The following IMPG2 variants were observed in gnomAD, a reference collection of about 807,000 sequenced individuals.
The protein encoded by IMPG2 is IPM 200.
In IMPG2, 91 loss-of-function variants were observed where a neutral mutation model predicts 129.2. That is an observed-to-expected ratio of 0.70 (90% CI 0.59 to 0.84). The LOEUF (loss-of-function observed/expected upper bound fraction) is 0.84. IMPG2 is among the 40% of genes least tolerant of loss of function. The pLI is 0.00. For synonymous variants in IMPG2, 510 were observed against 517.7 expected, an observed-to-expected ratio of 0.99 and a Z score of 0.20; for missense variants, 1,430 against 1,461.7, an observed-to-expected ratio of 0.98 and a Z score of 0.35.
chr3:101,257,477 G>A, intron 10 of IMPG2, 52 bp downstream of exon 10: 2 of 1,602,514 alleles, frequency 1.2e-6, no homozygotes, highest in East Asian at 2.2e-5. Context: ...TTACACCAGA[G>A]CATACTGGAA....
Position 101,229,763 on chromosome 3 carries a change from TATC to T in IMPG2, c.3423-176_3423-174del, listed in dbSNP as rs59096006. 8.6e-3 allele frequency among the ~76,000 whole-genome samples: 1,309 copies of T among 152,328 alleles called. 24 individuals are homozygous for T. The highest frequency in any genetic ancestry group is 0.029 in the African/African-American group (1,221 of 41,566). ...ACCTCAAAAATTATTTGTCAGGTGTTATCATTATGATTTCCTCACACCCATGGC... is the reference window on the plus strand; with the variant it reads ...ACCTCAAAAATTATTTGTCAGGTGTTATTATGATTTCCTCACACCCATGGC... On this transcript the variant is annotated intron_variant, in intron 16 of 18. Coordinates refer to ENST00000193391, the MANE Select transcript of IMPG2 (RefSeq NM_016247.4).
At chr3:101,273,499 C>G in intron 7 of IMPG2, 82 bp downstream of exon 7, 1 of 1,447,270 alleles carries the variant, frequency 6.9e-7, no homozygotes, top group South Asian at 1.2e-5. Flanking sequence ...GAAACCTAAA[C>G]CTATCTTTAA....
intron 14 of IMPG2, among the ~76,000 whole-genome samples, chr3:101,236,952 G>A (rs1409588568): frequency 6.6e-6 from 1 of 152,206 alleles, no homozygotes; most frequent in African/African-American, 2.4e-5. Context: ...AGCACAGCAA[G>A]CTAAGATCCA....
At chr3:101,270,177 T>C (rs1706766475) in intron 7 of IMPG2, among the ~76,000 whole-genome samples, 2 of 152,010 alleles carry the variant, frequency 1.3e-5, no homozygotes, top group South Asian at 4.2e-4. Context: ...CCTCAGGTGA[T>C]CCACCTGCCT....
At position 101,245,805 on chromosome 3, in the gene IMPG2, CTT is replaced by C; in HGVS notation, c.1538_1539del (p.Glu513GlyfsTer7). 6.2e-7 allele frequency: 1 copy of C among 1,613,608 alleles called. No homozygotes were observed. The highest frequency in any genetic ancestry group is 8.5e-7 in the Non-Finnish European group (1 of 1,179,506). On this transcript the variant is annotated frameshift_variant, in exon 12 of 19. Transcript: ENST00000193391. LOFTEE classifies it high-confidence loss of function. ...EERTSGSHLV[E>X]DGLANVEESE... is the part of the protein sequence containing the mutation. ...AAAAGCAATTAAAGTTTCTCACCAT[CTT>C]CTACCAAGTGAGATCCAGAAGTCCT...
rs1175162398 is a variant in IMPG2, at chr3:101,232,993, T to C, written c.3023-2A>G. The C allele has an allele frequency of 6.2e-7, 1 of 1,613,582 alleles. No individual in the cohort carries two copies. The highest frequency in any genetic ancestry group is 1.3e-5 in the African/African-American group (1 of 74,872). On this transcript the variant is annotated splice_acceptor_variant, in intron 14 of 18. Transcript: ENST00000193391. LOFTEE classifies it high-confidence loss of function. ...ACTTGCAAGGGTTGGCTTCATCACCTAAAACATTAAACAAAGAATAATGCA... is the reference window on the plus strand; with the variant it reads ...ACTTGCAAGGGTTGGCTTCATCACCCAAAACATTAAACAAAGAATAATGCA...
chr3:101,228,419 A>C (rs140206843), intron 18 of IMPG2, among the ~76,000 whole-genome samples: 2 of 152,342 alleles, frequency 1.3e-5, no homozygotes, highest in East Asian at 3.9e-4. Flanking sequence ...TCAGATCACT[A>C]GTGAGATCTA....
At chr3:101,236,560 G>A (rs1385714949) in intron 14 of IMPG2, among the ~76,000 whole-genome samples, 1 of 152,206 alleles carries the variant, frequency 6.6e-6, no homozygotes, top group Non-Finnish European at 1.5e-5. Flanking sequence ...GTGAGCCAAA[G>A]TAGGGTGGTG....
In IMPG2 at chr3:101,308,710, T is replaced by A. The variant is rs188703184; in HGVS notation, c.335-4398A>T. On this transcript the variant is annotated intron_variant, in intron 2 of 18. Coordinates refer to ENST00000193391, the MANE Select transcript of IMPG2 (RefSeq NM_016247.4). ...GTCTTGGTGATTAACATTTGGCTTA[T>A]TACTACTTATGCAAATTTCTGCAAC... is the stretch of plus-strand genomic sequence containing the variant. Among the ~76,000 whole-genome samples, 9 of 152,368 alleles carry A rather than the reference T, an allele frequency of 5.9e-5. No individual in the cohort carries two copies. The East Asian group carries it at 1.7e-3, about 29-fold the overall frequency.
intron 9 of IMPG2, among the ~76,000 whole-genome samples, chr3:101,260,534 C>T (rs1706658055): frequency 6.6e-6 from 1 of 152,154 alleles, no homozygotes; most frequent in African/African-American, 2.4e-5. Flanking sequence ...CATAGTCACC[C>T]TTGCTCTTTA....
chr3:101,253,852 G>T, intron 10 of IMPG2, 71 bp from the exon 11 acceptor site: 1 of 1,030,030 alleles, frequency 9.7e-7, no homozygotes, highest in South Asian at 1.3e-5. Flanking sequence ...AGGGACAACT[G>T]AAAGTCAAGT....
chr3:101,253,822 C>A (rs756138296), intron 10 of IMPG2, 41 bp from the exon 11 acceptor site: 57 of 1,386,710 alleles, frequency 4.1e-5, no homozygotes, highest in Non-Finnish European at 5.6e-5. Flanking sequence ...TTAGATGAGG[C>A]CCTATTGTAT....
chr3:101,316,767 A>G lies in IMPG2; in HGVS notation c.334+2817T>C, dbSNP rs72936180. Among the ~76,000 whole-genome samples the G allele has an allele frequency of 3.4e-3, 511 of 152,248 alleles. 2 individuals are homozygous for G. The highest frequency in any genetic ancestry group is 0.012 in the African/African-American group (480 of 41,582). On this transcript the variant is annotated intron_variant, in intron 2 of 18. Transcript: ENST00000193391. ...ACTCAATAGAAATGAAAATATGTTC[A>G]CAGAAAAACTTGTACCCAAATGACC...
intron 10 of IMPG2, among the ~76,000 whole-genome samples, chr3:101,256,198 AAAGAAAGAAAGAAAGAAAG>A (rs1706604499): frequency 2.6e-5 from 4 of 151,226 alleles, no homozygotes; most frequent in African/African-American, 9.7e-5. Flanking sequence ...AGAAAGAAAG[AAAGAAAGAAAGAAAGAAAG>A]AAAAAAATAT....
At position 101,243,920 on chromosome 3, in the gene IMPG2, C is replaced by A; in HGVS notation, c.2411G>T (p.Ser804Ile). The A allele has an allele frequency of 6.2e-7, 1 of 1,614,226 alleles. No homozygotes were observed. The highest frequency in any genetic ancestry group is 2.2e-5 in the East Asian group (1 of 44,886). The change falls in exon 13 of 19, where the codon AGT (serine) becomes ATT (isoleucine). Residue 804 changes from serine (S) to isoleucine (I), a missense_variant. Physicochemically the swap from Ser to Ile is moderately radical, Grantham distance 142 (BLOSUM62 -2). Coordinates refer to ENST00000193391, the MANE Select transcript of IMPG2 (RefSeq NM_016247.4). The stretch of plus-strand genomic sequence containing the variant: ...CACAGATAACCAGAGCCTGTCAGCA[C>A]TCTGTGGTGTACTTGCCAATATGTC... Reference protein sequence around the residue: ...SRDILASTPQSADRLWLSVTQ... With the variant: ...SRDILASTPQIADRLWLSVTQ...
chr3:101,258,673 C>A (rs1424949646), intron 9 of IMPG2, among the ~76,000 whole-genome samples: 3 of 152,074 alleles, frequency 2.0e-5, no homozygotes, highest in Non-Finnish European at 4.4e-5. Flanking sequence ...TCTCCATCAA[C>A]CTTTCCACAA....
chr3:101,261,175 T>A (rs1205438042), intron 9 of IMPG2, among the ~76,000 whole-genome samples: 22 of 152,138 alleles, frequency 1.4e-4, no homozygotes, highest in Non-Finnish European at 1.5e-5. Flanking sequence ...ATAGACCATA[T>A]CTACCTCTCC....
At chr3:101,240,107 CTTTATTT>C (rs780368721) in intron 14 of IMPG2, among the ~76,000 whole-genome samples, 55 of 151,860 alleles carry the variant, frequency 3.6e-4, no homozygotes, top group African/African-American at 1.1e-3. Context: ...TTGTAATTCT[CTTTATTT>C]TTTATTTTTT....
At chr3:101,272,452 T>G (rs1466065654) in intron 7 of IMPG2, among the ~76,000 whole-genome samples, 3 of 152,342 alleles carry the variant, frequency 2.0e-5, no homozygotes, top group Non-Finnish European at 2.9e-5. Flanking sequence ...GCTACCTACC[T>G]CATCAAGTCC....
Sources: gnomAD v4.1 joint callset for allele counts (sites outside exome capture counted in the v4.1 genomes callset) on GRCh38, gnomAD v4.1.1 for gene constraint, MANE v1.5 for transcripts, NCBI Gene and HGNC (gene_info 2026-07-23, HGNC 2026-07-21) for gene names.